The following SPIDR variants were observed in gnomAD, a reference collection of about 807,000 sequenced individuals.
SPIDR encodes scaffold protein involved in DNA repair.
A neutral mutation model predicts 104.6 loss-of-function variants in SPIDR; 93 were observed. The ratio of observed to expected loss-of-function variants is 0.89; its 90% CI spans 0.75 to 1.06. The LOEUF is 1.06. Ranked by LOEUF, SPIDR falls within the 50% of genes least tolerant of loss-of-function variation. SPIDR has a pLI of 0.00. For synonymous variants in SPIDR, 431 were observed against 416.9 expected (o/e 1.03, Z -0.41); for missense variants, 1,154 against 1,111.2 (o/e 1.04, Z -0.55).
chr8:47,552,774 T>A (rs556851209), intron 8 of SPIDR, among the ~76,000 whole-genome samples: 1 of 152,326 alleles, frequency 6.6e-6, no homozygotes, highest in East Asian at 1.9e-4. Context: ...AAGGTTAATA[T>A]TGTTATGTAT....
At chr8:47,346,705 A>G (rs782521161) in intron 5 of SPIDR, among the ~76,000 whole-genome samples, 20 of 152,308 alleles carry the variant, frequency 1.3e-4, no homozygotes, top group Non-Finnish European at 2.8e-4. Context: ...GTATGTTTGC[A>G]GGAATTTACC....
intron 14 of SPIDR, among the ~76,000 whole-genome samples, chr8:47,708,475 C>T (rs1336954020): frequency 6.6e-6 from 1 of 152,162 alleles, no homozygotes; most frequent in African/African-American, 2.4e-5. Flanking sequence ...TATCAACATC[C>T]CTACCAGGAC....
intron 5 of SPIDR, among the ~76,000 whole-genome samples, chr8:47,331,110 A>T (rs2048595368): frequency 6.6e-6 from 1 of 152,186 alleles, no homozygotes; most frequent in African/African-American, 2.4e-5. Flanking sequence ...TATGATGTGG[A>T]GCATCTTTTC....
At chr8:47,345,518 T>A (rs200262358) in intron 5 of SPIDR, among the ~76,000 whole-genome samples, 4 of 152,250 alleles carry the variant, frequency 2.6e-5, no homozygotes, top group East Asian at 1.9e-4. Flanking sequence ...TGGTAGCTTG[T>A]TGGGGATGGC....
chr8:47,303,721 GAA>G (rs1191493077), intron 5 of SPIDR, among the ~76,000 whole-genome samples: 5 of 152,150 alleles, frequency 3.3e-5, no homozygotes, highest in Non-Finnish European at 7.3e-5. Context: ...TTGATCATGT[GAA>G]TGATCCTTTT....
intron 7 of SPIDR, among the ~76,000 whole-genome samples, chr8:47,430,592 C>A (rs1335512063): frequency 2.6e-5 from 4 of 152,160 alleles, no homozygotes; most frequent in African/African-American, 9.7e-5. Flanking sequence ...GCCGGATGCC[C>A]ACGTGCTCCT....
intron 5 of SPIDR, among the ~76,000 whole-genome samples, chr8:47,372,443 G>A (rs1343008847): frequency 6.6e-6 from 1 of 152,050 alleles, no homozygotes; most frequent in Non-Finnish European, 1.5e-5. Flanking sequence ...TGACCAACAT[G>A]GTGAAACCCC....
chr8:47,403,773 T>A (rs1470721055), intron 6 of SPIDR, among the ~76,000 whole-genome samples: 2 of 152,120 alleles, frequency 1.3e-5, no homozygotes, highest in African/African-American at 2.4e-5. Flanking sequence ...AATGGCCATA[T>A]TACCCAAGGT....
At chr8:47,375,355 C>T (rs545065803) in intron 5 of SPIDR, among the ~76,000 whole-genome samples, 2 of 146,128 alleles carry the variant, frequency 1.4e-5, no homozygotes, top group South Asian at 4.4e-4. Context: ...AGTTCTCCTG[C>T]TTCAACCTTC....
At chr8:47,405,193 G>A (rs1314475468) in intron 6 of SPIDR, among the ~76,000 whole-genome samples, 2 of 152,006 alleles carry the variant, frequency 1.3e-5, no homozygotes, top group African/African-American at 4.8e-5. Flanking sequence ...ATCACACACC[G>A]GGGCCTGTCA....
chr8:47,352,851 C>T (rs902238278), intron 5 of SPIDR, among the ~76,000 whole-genome samples: 18 of 151,804 alleles, frequency 1.2e-4, no homozygotes, highest in East Asian at 7.7e-4. Context: ...GTTGAGAGAT[C>T]GAGACCATCC....
In SPIDR at chr8:47,655,359, T is replaced by C. The variant is rs2072556247; in HGVS notation, c.1545-18442T>C. 3.9e-5 allele frequency among the ~76,000 whole-genome samples: 6 copies of C among 152,356 alleles called. No homozygotes were observed. In the South Asian group the frequency reaches 8.3e-4, roughly 21 times the overall value. On this transcript the variant is annotated intron_variant, in intron 10 of 19. Transcript: ENST00000297423. ...GTCCCACCAACAGTAAAACTGTTCC[T>C]GTTTCTCCACATCCTCTCCAGCACC...
intron 8 of SPIDR, among the ~76,000 whole-genome samples, chr8:47,494,967 T>A (rs1426716622): frequency 6.6e-6 from 1 of 152,172 alleles, no homozygotes; most frequent in Non-Finnish European, 1.5e-5. Flanking sequence ...GGGCTACAGG[T>A]GACTTTTGTA....
intron 5 of SPIDR, among the ~76,000 whole-genome samples, chr8:47,348,797 A>T (rs1277297995): frequency 6.6e-6 from 1 of 152,204 alleles, no homozygotes; most frequent in Non-Finnish European, 1.5e-5. Flanking sequence ...TTTCAGCTCC[A>T]TCAGTTCATT....
intron 9 of SPIDR, 124 bp downstream of exon 9, chr8:47,596,130 T>C (rs1264349990): frequency 9.0e-6 from 7 of 776,626 alleles, no homozygotes; most frequent in Non-Finnish European, 1.4e-5. Flanking sequence ...ACCACAAGGA[T>C]GTATGCTGCA....
At chr8:47,523,586 A>T (rs1174170817) in intron 8 of SPIDR, among the ~76,000 whole-genome samples, 4 of 152,158 alleles carry the variant, frequency 2.6e-5, no homozygotes, top group Non-Finnish European at 5.9e-5. Flanking sequence ...GCTCTGCTTT[A>T]TCTTCAGTGT....
At chr8:47,703,456 T>C (rs1183778839) in intron 14 of SPIDR, among the ~76,000 whole-genome samples, 1 of 152,238 alleles carries the variant, frequency 6.6e-6, no homozygotes, top group Non-Finnish European at 1.5e-5. Flanking sequence ...GTGGGCAGAC[T>C]GTTTCTGTAA....
chr8:47,608,613 G>A (rs1182986908), intron 10 of SPIDR, among the ~76,000 whole-genome samples: 2 of 152,180 alleles, frequency 1.3e-5, no homozygotes, highest in African/African-American at 2.4e-5. Flanking sequence ...TCCAAAATTT[G>A]TTATTGTTGT....
chr8:47,658,466 G>C (rs1025785258), intron 10 of SPIDR, among the ~76,000 whole-genome samples: 3 of 151,882 alleles, frequency 2.0e-5, no homozygotes, highest in African/African-American at 7.3e-5. Context: ...ACAAATCAAA[G>C]TCCAGACTGG....
Sources: gnomAD v4.1 joint callset for allele counts (sites outside exome capture counted in the v4.1 genomes callset) on GRCh38, gnomAD v4.1.1 for gene constraint, MANE v1.5 for transcripts, NCBI Gene and HGNC (gene_info 2026-07-23, HGNC 2026-07-21) for gene names.